Variants in PTPRT observed in about 807,000 individuals in gnomAD.
PTPRT encodes the protein receptor-type tyrosine-protein phosphatase T.
PTPRT carries 56 observed loss-of-function variants against 176.8 expected under a neutral mutation model. The ratio of observed to expected loss-of-function variants is 0.32; its 90% confidence interval spans 0.26 to 0.40. The LOEUF (loss-of-function observed/expected upper bound fraction) is 0.40, where lower values mean the gene tolerates loss of function less well. PTPRT is among the 10% of genes least tolerant of loss of function. PTPRT has a pLI of 1.00. For missense variants in PTPRT, 1,540 were observed against 1,908.2 expected (o/e 0.81, Z 3.60); for synonymous variants, 783 against 739.0 (o/e 1.06, Z -0.96).
chr20:42,897,659 A>G (rs1018577384), intron 1 of PTPRT, among the ~76,000 whole-genome samples: 4 of 152,222 alleles, frequency 2.6e-5, no homozygotes, highest in Non-Finnish European at 5.9e-5. Context: ...TTCTTTGCCC[A>G]GGGAGACACA....
chr20:42,871,315 TA>T (rs34666147), intron 2 of PTPRT, among the ~76,000 whole-genome samples: 99,337 of 147,372 alleles, frequency 0.67, 33,904 homozygotes, highest in Middle Eastern at 0.78. Flanking sequence ...CAGCCCTTTT[TA>T]AAAAAAAAAA....
intron 18 of PTPRT, among the ~76,000 whole-genome samples, chr20:42,134,251 T>C (rs1988268815): frequency 2.0e-5 from 3 of 152,218 alleles, no homozygotes. Flanking sequence ...TTATACGAGG[T>C]AATTTACAAG....
intron 9 of PTPRT, among the ~76,000 whole-genome samples, chr20:42,424,297 T>C (rs758232775): frequency 6.6e-6 from 1 of 152,158 alleles, no homozygotes; most frequent in Non-Finnish European, 1.5e-5. Context: ...ATACTCCCAA[T>C]TTACTGACAG....
intron 12 of PTPRT, among the ~76,000 whole-genome samples, chr20:42,303,153 G>A (rs557414544): frequency 6.0e-4 from 92 of 152,246 alleles, no homozygotes; most frequent in African/African-American, 2.1e-3. Context: ...GCTTCCCTGC[G>A]CAGCTCTTAT....
At chr20:42,976,510 AT>A (rs1326245933) in intron 1 of PTPRT, among the ~76,000 whole-genome samples, 3 of 151,970 alleles carry the variant, frequency 2.0e-5, no homozygotes, top group Middle Eastern at 3.4e-3. Context: ...GGTTCAAGCA[AT>A]TCTTCCACCT....
rs76988968 is a variant in PTPRT, at chr20:42,175,029, C to T, written c.2492-13487G>A. The stretch of plus-strand genomic sequence containing the variant: ...GCCAGGATCCTCAAATCTGCTGCCC[C>T]TCTCTTTCCCTATCCATAGTGGCTG... On this transcript the variant is annotated intron_variant, in intron 16 of 30. Transcript: ENST00000373187. Among the ~76,000 whole-genome samples the T allele has an allele frequency of 1.9e-3, 291 of 152,288 alleles. 1 individual carries two copies. The highest frequency in any genetic ancestry group is 3.8e-3 in the Non-Finnish European group (260 of 68,020).
chr20:42,089,172 A>G (rs112449907), intron 27 of PTPRT, among the ~76,000 whole-genome samples: 2 of 152,184 alleles, frequency 1.3e-5, no homozygotes, highest in African/African-American at 4.8e-5. Context: ...TGGCTGGACA[A>G]CCATCTGCTG....
intron 2 of PTPRT, among the ~76,000 whole-genome samples, chr20:42,882,871 T>C (rs1244733648): frequency 1.3e-5 from 2 of 152,114 alleles, no homozygotes; most frequent in Non-Finnish European, 2.9e-5. Context: ...CAGACTGAGA[T>C]ATGAAGAGGA....
At chr20:42,710,006 T>C (rs1005285245) in intron 6 of PTPRT, among the ~76,000 whole-genome samples, 1 of 152,202 alleles carries the variant, frequency 6.6e-6, no homozygotes, top group Non-Finnish European at 1.5e-5. Context: ...AGAATAAATT[T>C]CTAAGCAGCA....
At chr20:42,268,398 G>A (rs1210568912) in intron 13 of PTPRT, among the ~76,000 whole-genome samples, 1 of 152,180 alleles carries the variant, frequency 6.6e-6, no homozygotes. Context: ...CTGGAATAGA[G>A]CCTAGAGAAC....
At chr20:42,713,375 T>A (rs996811435) in intron 6 of PTPRT, among the ~76,000 whole-genome samples, 7 of 152,120 alleles carry the variant, frequency 4.6e-5, no homozygotes, top group African/African-American at 1.7e-4. Context: ...TCAAGAAAAT[T>A]CCCAAAAGCA....
Position 42,560,043 on chromosome 20 carries a change from G to A in PTPRT, c.1154-87481C>T, listed in dbSNP as rs115352967. Among the ~76,000 whole-genome samples, 1,294 of 152,188 alleles carry A rather than the reference G, an allele frequency of 8.5e-3. 19 individuals carry two copies. Among genetic ancestry groups the A allele is most frequent in the African/African-American group, 0.03 (1,236 of 41,502 alleles). On this transcript the variant is annotated intron_variant, in intron 7 of 30. Coordinates refer to ENST00000373187, the MANE Select transcript of PTPRT (RefSeq NM_007050.6). ...TGACAGCAAACATTAAAAGAGCATC[G>A]GCAGAAGCACAGATGAAAAAAGAAC...
intron 6 of PTPRT, among the ~76,000 whole-genome samples, chr20:42,699,787 A>G (rs1344773404): frequency 1.3e-5 from 2 of 152,226 alleles, no homozygotes; most frequent in African/African-American, 4.8e-5. Context: ...CGCCAAGTAC[A>G]GTGCCTTACA....
intron 14 of PTPRT, among the ~76,000 whole-genome samples, chr20:42,238,020 A>C (rs1424486867): frequency 6.6e-6 from 1 of 152,152 alleles, no homozygotes; most frequent in East Asian, 1.9e-4. Flanking sequence ...AAATATCCAA[A>C]ACTCCCAAGA....
At chr20:42,548,864 C>T (rs1296834735) in intron 7 of PTPRT, among the ~76,000 whole-genome samples, 1 of 152,152 alleles carries the variant, frequency 6.6e-6, no homozygotes, top group Non-Finnish European at 1.5e-5. Flanking sequence ...TGGACTGATG[C>T]TCCAACTCAT....
chr20:43,038,580 A>T (rs1279543411), intron 1 of PTPRT, among the ~76,000 whole-genome samples: 2 of 152,238 alleles, frequency 1.3e-5, no homozygotes. Flanking sequence ...TGATTATTTA[A>T]CTTCATTCTA....
Position 42,204,127 on chromosome 20 carries a change from C to T in PTPRT, c.2343-4739G>A, listed in dbSNP as rs77527205. 2.8e-3 allele frequency among the ~76,000 whole-genome samples: 423 copies of T among 152,214 alleles called. 3 individuals are homozygous for T. Among genetic ancestry groups the T allele is most frequent in the African/African-American group, 9.7e-3 (402 of 41,528 alleles). On this transcript the variant is annotated intron_variant, in intron 15 of 30. Transcript: ENST00000373187. ...ATACGTGCAAAGAAAGAGAAGGAAACGCCTGCATAAAATTAGCTGGTGACC... is the reference window on the plus strand; with the variant it reads ...ATACGTGCAAAGAAAGAGAAGGAAATGCCTGCATAAAATTAGCTGGTGACC...
chr20:42,372,248 C>T (rs1218312666), intron 9 of PTPRT, among the ~76,000 whole-genome samples: 1 of 148,560 alleles, frequency 6.7e-6, no homozygotes, highest in Non-Finnish European at 1.5e-5. Context: ...TGGAGAGTGA[C>T]TGTTAAACAG....
intron 11 of PTPRT, among the ~76,000 whole-genome samples, chr20:42,329,953 T>C (rs1010661015): frequency 6.6e-6 from 1 of 152,158 alleles, no homozygotes; most frequent in South Asian, 2.1e-4. Flanking sequence ...AAAATAGCTG[T>C]AGTATCATAT....
Sources: gnomAD v4.1 joint callset for allele counts (sites outside exome capture counted in the v4.1 genomes callset) on GRCh38, gnomAD v4.1.1 for gene constraint, MANE v1.5 for transcripts, NCBI Gene and HGNC (gene_info 2026-07-23, HGNC 2026-07-21) for gene names.